NBEAL1: variants seen among roughly 807,000 people sequenced by gnomAD.
NBEAL1 encodes neurobeachin like 1.
In NBEAL1, 273 loss-of-function variants were observed where a neutral mutation model predicts 351.3. That is an observed-to-expected ratio of 0.78 (90% CI 0.70 to 0.86). NBEAL1 has a LOEUF of 0.86. NBEAL1 is among the 40% of genes least tolerant of loss of function. The pLI, the probability that NBEAL1 is intolerant of heterozygous loss-of-function variation, is 0.00. For synonymous variants in NBEAL1, 1,050 were observed against 1,086.4 expected (o/e 0.97, Z 0.66); for missense variants, 2,961 against 3,201.3 (o/e 0.92, Z 1.81).
At chr2:203,141,366 ATTT>A (rs71034219) in intron 31 of NBEAL1, among the ~76,000 whole-genome samples, 21 of 9,088 alleles carry the variant, frequency 2.3e-3, no homozygotes, top group South Asian at 5.3e-3. Context: ...TATTATTATT[ATTT>A]TTTTTTTTTT....
At chr2:203,054,993 G>A (rs2061382833) in intron 4 of NBEAL1, among the ~76,000 whole-genome samples, 1 of 152,094 alleles carries the variant, frequency 6.6e-6, no homozygotes, top group East Asian at 1.9e-4. Context: ...GCTTCTCATT[G>A]TTTCATCTAC....
At chr2:203,029,237 G>T (rs532154028) in intron 2 of NBEAL1, among the ~76,000 whole-genome samples, 2 of 152,202 alleles carry the variant, frequency 1.3e-5, no homozygotes, top group South Asian at 4.1e-4. Flanking sequence ...TGCTCTGCCC[G>T]CCTCAGCTTC....
At position 203,068,385 on chromosome 2, in the gene NBEAL1, A is replaced by G; in HGVS notation, c.516-8A>G. ...TGTAACTTATTATTAACTTCTTTTT[A>G]ATGATAGACGAATCCTTAGTACTGT... On this transcript the variant is annotated splice_polypyrimidine_tract_variant and splice_region_variant and intron_variant, in intron 6 of 55. Transcript: ENST00000683969. The G allele has an allele frequency of 6.8e-7, 1 of 1,472,818 alleles. No homozygotes were observed. 91.2% of individuals were successfully genotyped at this position (1,472,818 alleles called of 1,614,324 possible). A position where few individuals can be genotyped will look rare whatever the true frequency, so the allele number is the denominator to read the frequency against.
chr2:203,213,784 G>A, intron 55 of NBEAL1, 131 bp downstream of exon 55: 1 of 1,513,936 alleles, frequency 6.6e-7, no homozygotes, highest in Non-Finnish European at 8.8e-7. Flanking sequence ...TTTTCAAAAG[G>A]CAGTAAATAA....
Position 203,136,618 on chromosome 2 carries a change from T to C in NBEAL1, c.4409T>C (p.Leu1470Pro), listed in dbSNP as rs768151225. Reference sequence around the variant, plus strand: ...CCATAGAGATGTGAGGAGGAGCTTCTTCAATTACTGACACATATTTTGAAT... The same window carrying C: ...CCATAGAGATGTGAGGAGGAGCTTCCTCAATTACTGACACATATTTTGAAT... Reference protein sequence around the residue: ...ESQERCEEELLQLLTHILNYV... With the variant: ...ESQERCEEELPQLLTHILNYV... Residue 1470 changes from leucine (L) to proline (P), a missense_variant, in exon 29 of 56, where the codon CTT becomes CCT. Physicochemically the swap from Leu to Pro is moderately conservative, Grantham distance 98. Coordinates refer to ENST00000683969, the MANE Select transcript of NBEAL1 (RefSeq NM_001378026.1). 1.2e-6 allele frequency: 2 copies of C among 1,610,654 alleles called. No homozygotes were observed. Among genetic ancestry groups the C allele is most frequent in the African/African-American group, 1.3e-5 (1 of 74,978 alleles).
At chr2:203,089,547 CAG>C (rs2062026152) in intron 10 of NBEAL1, among the ~76,000 whole-genome samples, 1 of 152,148 alleles carries the variant, frequency 6.6e-6, no homozygotes, top group Admixed American at 6.5e-5. Context: ...ATCACCAACT[CAG>C]TGAAGTCTTA....
Position 203,083,601 on chromosome 2 carries a change from A to G in NBEAL1, c.991+76A>G, listed in dbSNP as rs2061910045. ...ATCTACCACTTTCTTTTGAAATACA[A>G]GGCCATTGTATGGAAAGTATTGATT... On this transcript the variant is annotated intron_variant, in intron 9 of 55. Coordinates refer to ENST00000683969, the MANE Select transcript of NBEAL1 (RefSeq NM_001378026.1). The G allele has an allele frequency of 3.5e-6, 4 of 1,159,234 alleles. No homozygotes were observed. The Admixed American group carries it at 8.5e-5, about 25-fold the overall frequency. 71.8% of individuals were successfully genotyped at this position (1,159,234 alleles called of 1,614,324 possible). A position where few individuals can be genotyped will look rare whatever the true frequency, so the allele number is the denominator to read the frequency against.
intron 49 of NBEAL1, 112 bp from the exon 50 acceptor site, chr2:203,201,431 G>T: frequency 1.2e-6 from 1 of 801,100 alleles, no homozygotes; most frequent in Non-Finnish European, 1.8e-6. Flanking sequence ...ATTTCAAATA[G>T]GACATTTGGG....
At chr2:203,160,031 T>A (rs1322136131) in intron 36 of NBEAL1, among the ~76,000 whole-genome samples, 1 of 151,922 alleles carries the variant, frequency 6.6e-6, no homozygotes, top group African/African-American at 2.4e-5. Flanking sequence ...GCCATTAATA[T>A]ATATCTACTT....
At chr2:203,145,876 GTAAA>G (rs1485373524) in intron 33 of NBEAL1, among the ~76,000 whole-genome samples, 3 of 150,918 alleles carry the variant, frequency 2.0e-5, no homozygotes, top group Non-Finnish European at 4.4e-5. Flanking sequence ...TAAGGAATGA[GTAAA>G]GATAAAAACA....
intron 8 of NBEAL1, among the ~76,000 whole-genome samples, chr2:203,080,825 C>A (rs988025865): frequency 6.6e-6 from 1 of 152,080 alleles, no homozygotes; most frequent in Admixed American, 6.5e-5. Flanking sequence ...TCATTATTTC[C>A]CCATTTCTAT....
At chr2:203,099,288 A>T (rs1402415639) in intron 11 of NBEAL1, among the ~76,000 whole-genome samples, 1 of 152,070 alleles carries the variant, frequency 6.6e-6, no homozygotes, top group Middle Eastern at 3.2e-3. Flanking sequence ...AAAAAAAAAA[A>T]AAAAAGTAAT....
chr2:203,213,670 G>C lies in NBEAL1; in HGVS notation c.8070+17G>C. The C allele has an allele frequency of 2.5e-6, 4 of 1,613,120 alleles. No homozygotes were observed. The highest frequency in any genetic ancestry group is 3.4e-6 in the Non-Finnish European group (4 of 1,179,720). On this transcript the variant is annotated intron_variant, in intron 55 of 55. Transcript: ENST00000683969. Reference sequence around the variant, plus strand: ...CCTGCTGAGGTAAAACCTAGCATCAGTAATTTCATTTCTCATGCTGTTGGG... The same window carrying C: ...CCTGCTGAGGTAAAACCTAGCATCACTAATTTCATTTCTCATGCTGTTGGG...
intron 48 of NBEAL1, 76 bp from the exon 49 acceptor site, chr2:203,199,262 A>G (rs2065324462): frequency 1.3e-6 from 1 of 782,426 alleles, no homozygotes; most frequent in African/African-American, 1.7e-5. Context: ...TGCCAATGTC[A>G]TGTGAGCATC....
rs1209549180 is a variant in NBEAL1 at position 203,217,921 on chromosome 2, C to T, written c.*567C>T. 11 of 968,862 alleles carry T rather than the reference C, an allele frequency of 1.1e-5. No homozygotes were observed. Among genetic ancestry groups the T allele is most frequent in the East Asian group, 2.3e-4 (2 of 8,762 alleles). 60.0% of individuals were successfully genotyped at this position (968,862 alleles called of 1,614,324 possible). A position where few individuals can be genotyped will look rare whatever the true frequency, so the allele number is the denominator to read the frequency against. On this transcript the variant is annotated 3_prime_UTR_variant, in exon 56 of 56. Coordinates refer to ENST00000683969, the MANE Select transcript of NBEAL1 (RefSeq NM_001378026.1). ...ATTAGCTAATTCTATTACTACTTAG[C>T]GTGTTTCTAATGAGAAGTTACTGAA...
In NBEAL1 at chr2:203,218,601, A is replaced by C. The variant is rs552215029; in HGVS notation, c.*1247A>C. 4 of 152,326 alleles carry C rather than the reference A, an allele frequency of 2.6e-5. No homozygotes were observed. The South Asian group carries it at 6.2e-4, about 24-fold the overall frequency. The allele number at this position is 152,326 out of a possible 1,614,324, so 9.4% of individuals were successfully genotyped here. ...GCTTTCTTTAAAGGGATCTGTTTCC[A>C]GTAATAGTATTCTTTTTTGTTCCAC... On this transcript the variant is annotated 3_prime_UTR_variant, in exon 56 of 56. Coordinates refer to ENST00000683969, the MANE Select transcript of NBEAL1 (RefSeq NM_001378026.1).
chr2:203,172,350 G>A (rs550250627), intron 40 of NBEAL1, among the ~76,000 whole-genome samples: 6 of 152,012 alleles, frequency 3.9e-5, no homozygotes, highest in Admixed American at 6.6e-5. Flanking sequence ...GTGAAACCCC[G>A]TCTCTACTAA....
rs929783691 is a variant in NBEAL1 at position 203,140,182 on chromosome 2, A to C, written c.4848+1434A>C. Among the ~76,000 whole-genome samples the C allele has an allele frequency of 5.3e-5, 8 of 152,144 alleles. No individual in the cohort carries two copies. In the East Asian group the frequency reaches 1.4e-3, roughly 26 times the overall value. On this transcript the variant is annotated intron_variant, in intron 31 of 55. Coordinates refer to ENST00000683969, the MANE Select transcript of NBEAL1 (RefSeq NM_001378026.1). The stretch of plus-strand genomic sequence containing the variant: ...GCCGGGCGTGCTGGCGCATGCCTGT[A>C]ATTCCAGCTATTTGGGGTGCTGAGG...
chr2:203,120,486 T>C (rs551294180), intron 18 of NBEAL1, among the ~76,000 whole-genome samples: 6 of 152,310 alleles, frequency 3.9e-5, no homozygotes, highest in South Asian at 4.1e-4. Flanking sequence ...GAAGATGGTA[T>C]CATTTGTGTT....
Sources: allele counts gnomAD v4.1 joint callset (sites outside exome capture counted in the v4.1 genomes callset), GRCh38; gene constraint gnomAD v4.1.1; transcripts MANE v1.5; gene names NCBI Gene and HGNC (gene_info 2026-07-23, HGNC 2026-07-21).